CGNL1: variants seen among roughly 807,000 people sequenced by gnomAD.
CGNL1 encodes cingulin like 1.
Under a neutral mutation model 141.2 loss-of-function variants are expected in CGNL1, and 132 were observed. That is an observed-to-expected ratio of 0.93 (90% CI 0.81 to 1.08). CGNL1 has a LOEUF of 1.08. Among genes scored for constraint, CGNL1 ranks in the 50% least tolerant of loss-of-function variants. CGNL1 has a pLI of 0.00. For synonymous variants in CGNL1, 690 were observed against 622.1 expected, an observed-to-expected ratio of 1.11 and a Z score of -1.63; for missense variants, 1,870 against 1,588.6, an observed-to-expected ratio of 1.18 and a Z score of -3.01.
At chr15:57,433,753 AAGAG>A (rs1252083687) in intron 1 of CGNL1, among the ~76,000 whole-genome samples, 2 of 152,150 alleles carry the variant, frequency 1.3e-5, no homozygotes, top group African/African-American at 4.8e-5. Context: ...GGTGACTAAA[AAGAG>A]AGACTGATGA....
At chr15:57,441,715 T>C (rs2063189315) in intron 3 of CGNL1, among the ~76,000 whole-genome samples, 1 of 152,158 alleles carries the variant, frequency 6.6e-6, no homozygotes, top group African/African-American at 2.4e-5. Flanking sequence ...GCACATGATT[T>C]ATTGAGACAT....
chr15:57,535,964 C>A (rs530578557), intron 14 of CGNL1, among the ~76,000 whole-genome samples: 6 of 152,152 alleles, frequency 3.9e-5, no homozygotes, highest in Non-Finnish European at 8.8e-5. Flanking sequence ...TTATAAGTTC[C>A]CAGCCTGTAT....
At chr15:57,491,893 A>G (rs58161678) in intron 8 of CGNL1, among the ~76,000 whole-genome samples, 19,661 of 152,164 alleles carry the variant, frequency 0.13, 1,894 homozygotes, top group East Asian at 0.45. Context: ...TACCTGGCCC[A>G]GTATATGTAA....
intron 1 of CGNL1, among the ~76,000 whole-genome samples, chr15:57,421,003 G>C (rs542536490): frequency 6.6e-6 from 1 of 152,190 alleles, no homozygotes; most frequent in African/African-American, 2.4e-5. Flanking sequence ...CCAAGGTTAC[G>C]GTATTTGAAG....
chr15:57,452,562 T>TG (rs1458853636), intron 6 of CGNL1, among the ~76,000 whole-genome samples: 1 of 152,108 alleles, frequency 6.6e-6, no homozygotes, highest in East Asian at 1.9e-4. Context: ...AGCAGGTAAG[T>TG]GGGAAGCAGG....
At chr15:57,487,066 C>G (rs1179967513) in intron 8 of CGNL1, among the ~76,000 whole-genome samples, 1 of 152,182 alleles carries the variant, frequency 6.6e-6, no homozygotes, top group African/African-American at 2.4e-5. Context: ...TCTAAGTGTA[C>G]AAACTTAAAA....
intron 1 of CGNL1, among the ~76,000 whole-genome samples, chr15:57,392,974 A>G (rs2062559720): frequency 6.6e-6 from 1 of 152,224 alleles, no homozygotes; most frequent in Non-Finnish European, 1.5e-5. Context: ...GAGTGTGAAT[A>G]TGCCTGTTGG....
intron 1 of CGNL1, among the ~76,000 whole-genome samples, chr15:57,396,323 G>A (rs1258440997): frequency 6.8e-6 from 1 of 147,270 alleles, no homozygotes; most frequent in African/African-American, 2.5e-5. Context: ...TGCCCAGGCT[G>A]GAGTACAGTG....
chr15:57,538,178 G>A (rs2032368187), intron 14 of CGNL1, among the ~76,000 whole-genome samples: 1 of 152,208 alleles, frequency 6.6e-6, no homozygotes, highest in African/African-American at 2.4e-5. Flanking sequence ...CCTTCTTGGG[G>A]CATTGTCCAT....
At chr15:57,426,818 C>T (rs2062980913) in intron 1 of CGNL1, among the ~76,000 whole-genome samples, 1 of 151,978 alleles carries the variant, frequency 6.6e-6, no homozygotes, top group Non-Finnish European at 1.5e-5. Flanking sequence ...CACACATTTC[C>T]TTTGAGTGTA....
chr15:57,416,239 A>G (rs1443229119), intron 1 of CGNL1, among the ~76,000 whole-genome samples: 1 of 150,494 alleles, frequency 6.6e-6, no homozygotes, highest in Non-Finnish European at 1.5e-5. Flanking sequence ...GAGTGTAACA[A>G]CTTCTAGCCT....
At chr15:57,424,147 C>T (rs563332315) in intron 1 of CGNL1, among the ~76,000 whole-genome samples, 14 of 152,246 alleles carry the variant, frequency 9.2e-5, no homozygotes, top group African/African-American at 3.4e-4. Flanking sequence ...TCCCACTGGG[C>T]TCTGGCCAAG....
At chr15:57,525,003 C>G (rs373459587) in intron 12 of CGNL1, among the ~76,000 whole-genome samples, 69 of 152,248 alleles carry the variant, frequency 4.5e-4, no homozygotes, top group African/African-American at 1.5e-3. Flanking sequence ...TAATTTTTTG[C>G]CTAAAATGTT....
Position 57,545,672 on chromosome 15 carries a change from AC to A in CGNL1, c.3583del (p.Leu1195CysfsTer3). 1 of 1,613,450 alleles carries A rather than the reference AC, an allele frequency of 6.2e-7. No individual in the cohort carries two copies. The highest frequency in any genetic ancestry group is 8.5e-7 in the Non-Finnish European group (1 of 1,179,808). ...KELVMQVDDE[H>X]LSLTDQKDQL... ...CTGGTGATGCAGGTGGATGATGAGC[AC>A]CTGTCATTGACTGATCAGAAGGACC... is the stretch of plus-strand genomic sequence containing the variant. On this transcript the variant is annotated frameshift_variant, in exon 17 of 19. Transcript: ENST00000281282. LOFTEE classifies it high-confidence loss of function.
intron 8 of CGNL1, among the ~76,000 whole-genome samples, chr15:57,500,602 T>A (rs1353955931): frequency 1.3e-5 from 2 of 152,094 alleles, no homozygotes; most frequent in African/African-American, 4.8e-5. Context: ...GAGCCTGTGC[T>A]CCCAGAGAAC....
intron 1 of CGNL1, among the ~76,000 whole-genome samples, chr15:57,389,513 A>G (rs183835720): frequency 1.5e-3 from 228 of 152,316 alleles, no homozygotes; most frequent in South Asian, 0.011. Context: ...CTCTCGCCCA[A>G]TAGGATTTAG....
intron 8 of CGNL1, among the ~76,000 whole-genome samples, chr15:57,475,630 C>T (rs112236310): frequency 2.7e-4 from 41 of 151,302 alleles, no homozygotes; most frequent in African/African-American, 9.4e-4. Flanking sequence ...TTTTGACACA[C>T]CACATCTCTG....
chr15:57,401,790 C>G (rs2062663225), intron 1 of CGNL1, among the ~76,000 whole-genome samples: 1 of 152,140 alleles, frequency 6.6e-6, no homozygotes, highest in Non-Finnish European at 1.5e-5. Flanking sequence ...TCTTCAGTAA[C>G]CAAAAACTTG....
At chr15:57,516,663 CACAGGGCCTGGCTAAGT>C in intron 8 of CGNL1, 100 bp from the exon 9 acceptor site, 1 of 1,092,178 alleles carries the variant, frequency 9.2e-7, no homozygotes. Context: ...CCTGGCTCAG[CACAGGGCCTGGCTAAGT>C]GGGCACAATG....
Sources: gnomAD v4.1 joint callset for allele counts (sites outside exome capture counted in the v4.1 genomes callset) on GRCh38, gnomAD v4.1.1 for gene constraint, MANE v1.5 for transcripts, NCBI Gene and HGNC (gene_info 2026-07-23, HGNC 2026-07-21) for gene names.